VAT1L: variants seen among roughly 807,000 people sequenced by gnomAD.
The protein encoded by VAT1L is putative NADPH-dependent quinone oxidoreductase VAT1L.
VAT1L carries 34 observed loss-of-function variants against 44.1 expected under a neutral mutation model. That is an observed-to-expected ratio of 0.77 (90% CI 0.59 to 1.03). VAT1L has a LOEUF of 1.03. Among genes scored for constraint, VAT1L ranks in the 50% least tolerant of loss-of-function variants. VAT1L has a pLI of 0.00. For synonymous variants in VAT1L, 253 were observed against 202.2 expected, an observed-to-expected ratio of 1.25 and a Z score of -2.13; for missense variants, 615 against 538.8, an observed-to-expected ratio of 1.14 and a Z score of -1.40.
chr16:77,831,099 A>T (rs1270033725), intron 3 of VAT1L, among the ~76,000 whole-genome samples: 2 of 152,220 alleles, frequency 1.3e-5, no homozygotes, highest in Non-Finnish European at 2.9e-5. Context: ...GTTATCATCT[A>T]CTGAAGGCTG....
chr16:77,882,486 G>A lies in VAT1L; in HGVS notation c.883-2122G>A, dbSNP rs534486174. ...TGTATGTTTATAGAGCACCTCATGC[G>A]TGGCAGACACTGTGCTAAGCACTTG... On this transcript the variant is annotated intron_variant, in intron 6 of 8. Coordinates refer to ENST00000302536, the MANE Select transcript of VAT1L (RefSeq NM_020927.3). 9 of 152,326 alleles carry A rather than the reference G, an allele frequency of 5.9e-5. No individual in the cohort carries two copies. The South Asian group carries it at 8.3e-4, about 14-fold the overall frequency. The allele number at this position is 152,326 out of a possible 1,614,324, so 9.4% of individuals were successfully genotyped here.
chr16:77,959,877 C>G (rs1275148144), intron 7 of VAT1L, among the ~76,000 whole-genome samples: 3 of 152,186 alleles, frequency 2.0e-5, no homozygotes, highest in Non-Finnish European at 2.9e-5. Flanking sequence ...TCCCCAACTA[C>G]TTTCCAGAAT....
rs771655669 is a variant in VAT1L, at chr16:77,884,761, A to C, written c.1036A>C (p.Lys346Gln). ...ACTCATAGGGCTCTACAACCAGAAG[A>C]AGATCAAGCCTGTGGTGGACTCCTT... ...EKLIGLYNQK[K>Q]IKPVVDSLWA... Residue 346 changes from lysine (K) to glutamine (Q), a missense_variant, in exon 7 of 9, where the codon AAG (lysine) becomes CAG (glutamine). Transcript: ENST00000302536. The surrounding 1 kb of genome is among the most constrained non-coding windows in gnomAD (Gnocchi z 4.5). 1.3e-6 allele frequency: 2 copies of C among 1,582,144 alleles called. No individual in the cohort carries two copies. Among genetic ancestry groups the C allele is most frequent in the Admixed American group, 3.5e-5 (2 of 56,436 alleles).
intron 3 of VAT1L, among the ~76,000 whole-genome samples, chr16:77,841,078 A>G (rs557525946): frequency 6.6e-6 from 1 of 152,256 alleles, no homozygotes; most frequent in East Asian, 1.9e-4. Context: ...CACCAATAAC[A>G]TGTCATTTTT....
At chr16:77,793,961 T>C (rs2015882410) in intron 1 of VAT1L, among the ~76,000 whole-genome samples, 1 of 152,142 alleles carries the variant, frequency 6.6e-6, no homozygotes, top group South Asian at 2.1e-4. Flanking sequence ...CTCAACAAAA[T>C]CAGTATTGCC....
intron 3 of VAT1L, among the ~76,000 whole-genome samples, chr16:77,834,165 G>T (rs1002004934): frequency 6.6e-6 from 1 of 152,126 alleles, no homozygotes. Context: ...GGACACACAC[G>T]GCTCTCATTA....
intron 7 of VAT1L, among the ~76,000 whole-genome samples, chr16:77,970,031 T>G (rs1312315221): frequency 1.9e-5 from 2 of 105,434 alleles, no homozygotes; most frequent in African/African-American, 3.9e-5. Context: ...CTGGGCAACA[T>G]GGCAAAACCA....
At chr16:77,939,442 A>C (rs7184775) in intron 7 of VAT1L, among the ~76,000 whole-genome samples, 4,610 of 152,234 alleles carry the variant, frequency 0.03, 94 homozygotes, top group Middle Eastern at 0.061. Context: ...AACTGTGATA[A>C]CTCAGCAAGT....
At chr16:77,900,062 C>A (rs1317574363) in intron 7 of VAT1L, among the ~76,000 whole-genome samples, 1 of 152,190 alleles carries the variant, frequency 6.6e-6, no homozygotes, top group East Asian at 1.9e-4. Flanking sequence ...TGACTCTACA[C>A]CTTCTATTTG....
chr16:77,789,803 G>A (rs1242647424), intron 1 of VAT1L, among the ~76,000 whole-genome samples: 1 of 152,100 alleles, frequency 6.6e-6, no homozygotes, highest in Non-Finnish European at 1.5e-5. Flanking sequence ...ACTTCTCCAG[G>A]CCCTCACGCT....
chr16:77,790,493 G>T lies in VAT1L; in HGVS notation c.233+1578G>T, dbSNP rs535614059. ...GGATTGAGGAAAGAGCTCGGAGGAG[G>T]ATTGTTGGGTCATTATTTTTCTTTA... is the stretch of plus-strand genomic sequence containing the variant. On this transcript the variant is annotated intron_variant, in intron 1 of 8. Coordinates refer to ENST00000302536, the MANE Select transcript of VAT1L (RefSeq NM_020927.3). 2.0e-5 allele frequency among the ~76,000 whole-genome samples: 3 copies of T among 152,228 alleles called. No individual in the cohort carries two copies. In the East Asian group the frequency reaches 5.8e-4, roughly 29 times the overall value.
At chr16:77,876,810 A>T (rs1046286632) in intron 5 of VAT1L, among the ~76,000 whole-genome samples, 6 of 152,236 alleles carry the variant, frequency 3.9e-5, no homozygotes, top group African/African-American at 1.4e-4. Context: ...TCAGAAATAA[A>T]GAAGGCATGA....
chr16:77,851,338 AC>A (rs2016806535), intron 3 of VAT1L, among the ~76,000 whole-genome samples: 1 of 152,190 alleles, frequency 6.6e-6, no homozygotes, highest in South Asian at 2.1e-4. Flanking sequence ...ATGGAATGAT[AC>A]AGTCTTTAGA....
Position 77,879,988 on chromosome 16 carries a change from T to C in VAT1L, c.882+764T>C, listed in dbSNP as rs1170496735. ...GACCTTAACAAGATCCTGAGGTGAC[T>C]TGTAGACTCAGACAAGCTCATGAAC... On this transcript the variant is annotated intron_variant, in intron 6 of 8. Transcript: ENST00000302536. This position sits in a 1 kb window ranked among gnomAD's most constrained non-coding sequence, Gnocchi z 4.1. Among the ~76,000 whole-genome samples the C allele has an allele frequency of 1.3e-5, 2 of 152,154 alleles. No homozygotes were observed. The highest frequency in any genetic ancestry group is 2.4e-5 in the African/African-American group (1 of 41,428).
At chr16:77,799,251 C>G (rs1342309890) in intron 1 of VAT1L, among the ~76,000 whole-genome samples, 1 of 144,550 alleles carries the variant, frequency 6.9e-6, no homozygotes, top group African/African-American at 2.6e-5. Flanking sequence ...CTCTCCCTCC[C>G]TCCCCTCCCC....
chr16:77,818,945 G>C (rs2145238680), intron 2 of VAT1L, among the ~76,000 whole-genome samples: 1 of 152,290 alleles, frequency 6.6e-6, no homozygotes, highest in East Asian at 1.9e-4. Context: ...ATGAAAAGCT[G>C]TCACCGGAGG....
In VAT1L at chr16:77,816,906, A is replaced by G. The variant is rs2016365299; in HGVS notation, c.234-15A>G. 4 of 1,597,600 alleles carry G rather than the reference A, an allele frequency of 2.5e-6. No individual in the cohort carries two copies. Among genetic ancestry groups the G allele is most frequent in the Admixed American group, 1.7e-5 (1 of 57,168 alleles). On this transcript the variant is annotated splice_polypyrimidine_tract_variant and intron_variant, in intron 1 of 8. Transcript: ENST00000302536. ...TCATTTTGAATTTCTCTCCTTTCAC[A>G]TTTGCTCTTTACAGTGGATTAAACT...
chr16:77,792,659 C>T (rs985206975), intron 1 of VAT1L, among the ~76,000 whole-genome samples: 1 of 152,092 alleles, frequency 6.6e-6, no homozygotes, highest in African/African-American at 2.4e-5. Flanking sequence ...AAAGGGATGA[C>T]TCTGAGGCTT....
chr16:77,865,586 C>CAA (rs2016965267), intron 4 of VAT1L, among the ~76,000 whole-genome samples: 2 of 152,120 alleles, frequency 1.3e-5, no homozygotes, highest in South Asian at 4.2e-4. Flanking sequence ...GACATGTGCT[C>CAA]TGGTAGTGAA....
Sources: allele counts gnomAD v4.1 joint callset (sites outside exome capture counted in the v4.1 genomes callset), GRCh38; gene constraint gnomAD v4.1.1; non-coding constraint Gnocchi (gnomAD v3.1); transcripts MANE v1.5; gene names NCBI Gene and HGNC (gene_info 2026-07-23, HGNC 2026-07-21).